The following UBE2E3 variants were observed in gnomAD, a reference collection of about 807,000 sequenced individuals.
UBE2E3 encodes the protein ubiquitin conjugating enzyme E2 E3.
A neutral mutation model predicts 23.6 loss-of-function variants in UBE2E3; 5 were observed. That is an observed-to-expected ratio of 0.21 (90% CI 0.11 to 0.44). The LOEUF is 0.44. UBE2E3 is among the 20% of genes least tolerant of loss of function. UBE2E3 has a pLI of 0.99. For missense variants in UBE2E3, 81 were observed against 249.8 expected (o/e 0.32, Z 4.55); for synonymous variants, 78 against 87.5 (o/e 0.89, Z 0.60).
At chr2:180,994,985 G>C (rs764414337) in intron 3 of UBE2E3, among the ~76,000 whole-genome samples, 2 of 152,168 alleles carry the variant, frequency 1.3e-5, no homozygotes, top group African/African-American at 2.4e-5. Context: ...ATAACATACT[G>C]TATTACTGCA....
chr2:180,987,240 T>G (rs1176932483), intron 3 of UBE2E3: 1 of 1,309,798 alleles, frequency 7.6e-7, no homozygotes, highest in Non-Finnish European at 1.1e-6. Context: ...AGGGAAATTG[T>G]GTTATGGGCA....
intron 3 of UBE2E3, among the ~76,000 whole-genome samples, chr2:181,048,247 G>T (rs1244130014): frequency 6.6e-6 from 1 of 152,146 alleles, no homozygotes; most frequent in South Asian, 2.1e-4. Flanking sequence ...ATTTGATTAA[G>T]ATCTATATCC....
intron 4 of UBE2E3, among the ~76,000 whole-genome samples, chr2:181,058,775 G>T (rs1315255554): frequency 6.6e-6 from 1 of 151,660 alleles, no homozygotes; most frequent in Non-Finnish European, 1.5e-5. Context: ...ATAAAAGAGG[G>T]TTATTTCTCA....
chr2:181,003,061 T>C (rs752499088), intron 3 of UBE2E3, among the ~76,000 whole-genome samples: 12 of 152,256 alleles, frequency 7.9e-5, no homozygotes, highest in Non-Finnish European at 1.3e-4. Flanking sequence ...TGCTTTTTGT[T>C]TTGAGAGAGT....
chr2:181,039,159 TCATTG>T (rs1290504315), intron 3 of UBE2E3, among the ~76,000 whole-genome samples: 3 of 122,226 alleles, frequency 2.5e-5, no homozygotes, highest in Non-Finnish European at 3.3e-5. Flanking sequence ...GGAAATAGGG[TCATTG>T]CAGTGGAACG....
chr2:181,016,318 G>A (rs62180130), intron 3 of UBE2E3, among the ~76,000 whole-genome samples: 32,928 of 151,672 alleles, frequency 0.22, 4,152 homozygotes, highest in Non-Finnish European at 0.28. Flanking sequence ...GGGTTCAAGC[G>A]ATCCTGCTTC....
intron 3 of UBE2E3, among the ~76,000 whole-genome samples, chr2:181,017,453 C>T (rs760237198): frequency 6.6e-6 from 1 of 151,982 alleles, no homozygotes; most frequent in Non-Finnish European, 1.5e-5. Context: ...TGGATTAAGC[C>T]AACACTTTTT....
chr2:180,990,119 T>C (rs1684610982), intron 3 of UBE2E3: 2 of 930,456 alleles, frequency 2.1e-6, no homozygotes, highest in Non-Finnish European at 3.1e-6. Flanking sequence ...AACCTTTCTT[T>C]TGCCTTTTGA....
At chr2:181,021,632 T>TTCCTTCCTTCCTTCCTTCCTTCCTTCC (rs1685699623) in intron 3 of UBE2E3, among the ~76,000 whole-genome samples, 1 of 39,992 alleles carries the variant, frequency 2.5e-5, no homozygotes, top group Non-Finnish European at 4.4e-5. Context: ...CCCTCCCTTT[T>TTCCTTCCTTCCTTCCTTCCTTCCTTCC]TTCCTTCCTT....
chr2:181,033,214 A>G (rs1017757831), intron 3 of UBE2E3, among the ~76,000 whole-genome samples: 14 of 152,232 alleles, frequency 9.2e-5, no homozygotes, highest in African/African-American at 3.1e-4. Flanking sequence ...AAGAGCCCGC[A>G]TTGCCAAGAC....
intron 3 of UBE2E3, among the ~76,000 whole-genome samples, chr2:180,994,283 T>G (rs1369019435): frequency 6.6e-6 from 1 of 152,180 alleles, no homozygotes; most frequent in Non-Finnish European, 1.5e-5. Context: ...ACTTGAAACA[T>G]ATGCAAAAGT....
chr2:181,044,715 G>A (rs776912179), intron 3 of UBE2E3, among the ~76,000 whole-genome samples: 3 of 152,066 alleles, frequency 2.0e-5, no homozygotes, highest in Non-Finnish European at 4.4e-5. Flanking sequence ...TATGCTTATA[G>A]ATGGTAACAT....
At chr2:180,987,410 CTT>C (rs1684514459) in intron 3 of UBE2E3, 6 of 1,549,306 alleles carry the variant, frequency 3.9e-6, no homozygotes, top group South Asian at 1.2e-5. Context: ...GGATTTCTAA[CTT>C]AACCCCTAAT....
intron 3 of UBE2E3, among the ~76,000 whole-genome samples, chr2:181,042,178 C>T (rs1686532374): frequency 6.6e-6 from 1 of 152,194 alleles, no homozygotes; most frequent in South Asian, 2.1e-4. Flanking sequence ...TCATTCTAAG[C>T]TTTCCAGATG....
Position 181,057,694 on chromosome 2 carries a change from G to T in UBE2E3, c.247G>T (p.Ala83Ser). 6.2e-7 allele frequency: 1 copy of T among 1,606,022 alleles called. No individual in the cohort carries two copies. The highest frequency in any genetic ancestry group is 8.5e-7 in the Non-Finnish European group (1 of 1,175,322). The change falls in exon 4 of 6, where the codon GCT becomes TCT. Residue 83 changes from alanine to serine, a missense_variant and splice_region_variant. Coordinates refer to ENST00000410062, the MANE Select transcript of UBE2E3 (RefSeq NM_006357.4). ...ITLDPPPNCSAGPKGDNIYEW... is the reference protein window; with the variant it reads ...ITLDPPPNCSSGPKGDNIYEW... ...TGATTTTTAATTTCTTTTAAATAGT[G>T]CTGGGCCTAAAGGAGATAACATTTA...
intron 3 of UBE2E3, among the ~76,000 whole-genome samples, chr2:181,050,462 T>G (rs1350569186): frequency 2.0e-5 from 3 of 151,898 alleles, no homozygotes; most frequent in African/African-American, 4.8e-5. Flanking sequence ...AGTAGACACT[T>G]AAGCAGAGAT....
At chr2:180,994,875 A>G (rs1455332758) in intron 3 of UBE2E3, among the ~76,000 whole-genome samples, 1 of 152,194 alleles carries the variant, frequency 6.6e-6, no homozygotes, top group Non-Finnish European at 1.5e-5. Context: ...GTTAGAATTT[A>G]TCAAAACTTA....
At chr2:180,998,814 A>T (rs1684909066) in intron 3 of UBE2E3, among the ~76,000 whole-genome samples, 1 of 152,186 alleles carries the variant, frequency 6.6e-6, no homozygotes. Context: ...AAAAAGGAGT[A>T]AAACAAAAAA....
chr2:181,028,004 TTCAG>T (rs1287881300), intron 3 of UBE2E3, among the ~76,000 whole-genome samples: 2 of 152,022 alleles, frequency 1.3e-5, no homozygotes, highest in African/African-American at 4.8e-5. Context: ...TCTGTCCCTA[TTCAG>T]TCACTCTATT....
Sources: allele counts gnomAD v4.1 joint callset (sites outside exome capture counted in the v4.1 genomes callset), GRCh38; gene constraint gnomAD v4.1.1; transcripts MANE v1.5; gene names NCBI Gene and HGNC (gene_info 2026-07-23, HGNC 2026-07-21).